ASB15: variants seen among roughly 807,000 people sequenced by gnomAD.
The protein encoded by ASB15 is ankyrin repeat and SOCS box protein 15.
In ASB15, 54 loss-of-function variants were observed where a neutral mutation model predicts 58.0. The ratio of observed to expected loss-of-function variants is 0.93; its 90% CI spans 0.75 to 1.17. The LOEUF (loss-of-function observed/expected upper bound fraction) is 1.17, where lower values mean the gene tolerates loss of function less well. Ranked by LOEUF, ASB15 falls within the 50% of genes most tolerant of loss-of-function variation. The pLI, the probability that ASB15 is intolerant of heterozygous loss-of-function variation, is 0.00. For missense variants in ASB15, 680 were observed against 707.4 expected (o/e 0.96, Z 0.44); for synonymous variants, 249 against 262.4 (o/e 0.95, Z 0.50).
upstream of ASB15, among the ~76,000 whole-genome samples, chr7:123,597,721 C>T (rs867976413): frequency 2.6e-5 from 4 of 152,020 alleles, no homozygotes; most frequent in African/African-American, 7.2e-5. Context: ...ATCCTAGCTA[C>T]GCGGGAGGCT....
At chr7:123,627,923 A>G (rs887783811) in intron 9 of ASB15, among the ~76,000 whole-genome samples, 10 of 152,232 alleles carry the variant, frequency 6.6e-5, no homozygotes, top group Admixed American at 6.5e-4. Context: ...ATCGGGCTTT[A>G]TAGTTTTCAG....
chr7:123,572,308 A>G (rs1035799455), intron 1 of ASB15, among the ~76,000 whole-genome samples: 6 of 150,722 alleles, frequency 4.0e-5, no homozygotes, highest in African/African-American at 1.2e-4. Flanking sequence ...TGCCCGCTTA[A>G]TTTTTGTATT....
upstream of ASB15, among the ~76,000 whole-genome samples, chr7:123,598,181 G>A (rs953341588): frequency 7.9e-5 from 12 of 151,984 alleles, no homozygotes; most frequent in South Asian, 6.2e-4. Flanking sequence ...TCCATTTTAT[G>A]TCCCTGGAAG....
intron 7 of ASB15, among the ~76,000 whole-genome samples, chr7:123,623,819 G>T (rs1490701192): frequency 2.1e-5 from 3 of 145,220 alleles, no homozygotes; most frequent in Admixed American, 1.4e-4. Context: ...AGCTGAGATT[G>T]TGCCATCGCA....
Position 123,624,557 on chromosome 7 carries a change from A to G in ASB15, c.452-12A>G, listed in dbSNP as rs1801637980. On this transcript the variant is annotated splice_polypyrimidine_tract_variant and intron_variant, in intron 7 of 11. Transcript: ENST00000451215. ...AATATACTTACTGTTGTTTTTAACA[A>G]TCATTTTCAAGCTGTGAAAAAGGGC... The G allele has an allele frequency of 9.3e-6, 15 of 1,607,712 alleles. No homozygotes were observed. The highest frequency in any genetic ancestry group is 1.1e-5 in the Non-Finnish European group (13 of 1,174,412).
At chr7:123,586,767 G>A (rs1799386380) in intron 1 of ASB15, among the ~76,000 whole-genome samples, 1 of 151,492 alleles carries the variant, frequency 6.6e-6, no homozygotes, top group Non-Finnish European at 1.5e-5. Context: ...TCATATATGT[G>A]GATATCCAGT....
At chr7:123,604,389 C>T (rs1800034354) in intron 2 of ASB15, among the ~76,000 whole-genome samples, 177 bp downstream of exon 2, 1 of 151,970 alleles carries the variant, frequency 6.6e-6, no homozygotes, top group South Asian at 2.1e-4. Flanking sequence ...CAAGACCAGC[C>T]TGACCAACGT....
intron 8 of ASB15, among the ~76,000 whole-genome samples, chr7:123,625,462 T>C (rs1712884314): frequency 6.6e-6 from 1 of 152,230 alleles, no homozygotes; most frequent in Non-Finnish European, 1.5e-5. Flanking sequence ...CAAATTGTTT[T>C]ACCACGTTTA....
chr7:123,585,683 C>A (rs1799357277), intron 1 of ASB15, among the ~76,000 whole-genome samples: 1 of 151,502 alleles, frequency 6.6e-6, no homozygotes, highest in Non-Finnish European at 1.5e-5. Context: ...ATTAAGCAAA[C>A]TCTCTTAGCA....
intron 3 of ASB15, among the ~76,000 whole-genome samples, chr7:123,611,532 G>A (rs539424839): frequency 1.1e-4 from 17 of 152,140 alleles, no homozygotes; most frequent in African/African-American, 3.9e-4. Flanking sequence ...TCCTGACCTC[G>A]TGACCCACCC....
At chr7:123,621,713 C>A (rs879811805) in intron 7 of ASB15, among the ~76,000 whole-genome samples, 4 of 152,180 alleles carry the variant, frequency 2.6e-5, no homozygotes, top group African/African-American at 7.2e-5. Flanking sequence ...CCATCTGGCC[C>A]TTCCTTATTT....
chr7:123,622,956 G>T (rs917493563), intron 7 of ASB15: 1 of 152,214 alleles, frequency 6.6e-6, no homozygotes, highest in Non-Finnish European at 1.5e-5. Context: ...TTACCACATT[G>T]GGAGCTGCTT....
chr7:123,583,561 T>C (rs928473218), intron 1 of ASB15, among the ~76,000 whole-genome samples: 14 of 152,022 alleles, frequency 9.2e-5, no homozygotes, highest in Non-Finnish European at 1.5e-4. Flanking sequence ...CTAAAGTAGT[T>C]ACTAGTATAA....
intron 1 of ASB15, among the ~76,000 whole-genome samples, chr7:123,583,281 G>A (rs1457661936): frequency 6.6e-6 from 1 of 151,896 alleles, no homozygotes; most frequent in Non-Finnish European, 1.5e-5. Context: ...TTCTAAAACT[G>A]AACAGGAAAT....
At chr7:123,614,330 A>G (rs1465345836) in intron 3 of ASB15, 171 bp from the exon 4 acceptor site, 1 of 542,424 alleles carries the variant, frequency 1.8e-6, no homozygotes, top group Non-Finnish European at 3.2e-6. Flanking sequence ...AGTTAATAAA[A>G]TGGACCTCAC....
intron 7 of ASB15, among the ~76,000 whole-genome samples, chr7:123,623,935 GA>G (rs1308341363): frequency 6.8e-4 from 3 of 4,408 alleles, no homozygotes; most frequent in Admixed American, 3.7e-3. Context: ...AGAAAGAAAA[GA>G]AAGAAAGAAA....
chr7:123,585,235 A>T (rs1799343562), intron 1 of ASB15, among the ~76,000 whole-genome samples: 1 of 151,772 alleles, frequency 6.6e-6, no homozygotes, highest in Non-Finnish European at 1.5e-5. Context: ...ATTAATTTTT[A>T]AATTTCTGAA....
chr7:123,631,919 A>G lies in ASB15; in HGVS notation c.1594+1800A>G, dbSNP rs1463401055. ...AGGTGAAACCCCGTCTCTACTAAAA[A>G]TACAAAAAATTAGCCGGGCGTGCTG... On this transcript the variant is annotated intron_variant, in intron 11 of 11. Coordinates refer to ENST00000451215, the MANE Select transcript of ASB15 (RefSeq NM_001290258.2). Among the ~76,000 whole-genome samples, 9 of 152,252 alleles carry G rather than the reference A, an allele frequency of 5.9e-5. No individual in the cohort carries two copies. The East Asian group carries it at 1.5e-3, about 26-fold the overall frequency.
chr7:123,577,209 T>G (rs1799091478), intron 1 of ASB15, among the ~76,000 whole-genome samples: 1 of 152,172 alleles, frequency 6.6e-6, no homozygotes, highest in African/African-American at 2.4e-5. Flanking sequence ...TATCTTCCAT[T>G]GTTGAGTTTT....
Sources: gnomAD v4.1 joint callset for allele counts (sites outside exome capture counted in the v4.1 genomes callset) on GRCh38, gnomAD v4.1.1 for gene constraint, MANE v1.5 for transcripts, NCBI Gene and HGNC (gene_info 2026-07-23, HGNC 2026-07-21) for gene names.